KSR2: variants seen among roughly 807,000 people sequenced by gnomAD.
The protein encoded by KSR2 is kinase suppressor of ras 2.
Under a neutral mutation model 107.8 loss-of-function variants are expected in KSR2, and 25 were observed. The ratio of observed to expected loss-of-function variants is 0.23; its 90% CI spans 0.17 to 0.32. The LOEUF is 0.32. Among genes scored for constraint, KSR2 ranks in the 10% least tolerant of loss-of-function variants. The pLI is 1.00. For synonymous variants in KSR2, 480 were observed against 507.0 expected (o/e 0.95, Z 0.71); for missense variants, 887 against 1,268.9 (o/e 0.70, Z 4.57).
intron 4 of KSR2, among the ~76,000 whole-genome samples, chr12:117,745,017 T>A (rs918794638): frequency 6.6e-6 from 1 of 152,154 alleles, no homozygotes; most frequent in African/African-American, 2.4e-5. Flanking sequence ...CTAAGTGCTG[T>A]TATGAGCCTC....
chr12:117,708,055 T>C (rs1886599611), intron 4 of KSR2, among the ~76,000 whole-genome samples: 1 of 152,218 alleles, frequency 6.6e-6, no homozygotes, highest in Non-Finnish European at 1.5e-5. Flanking sequence ...AATTCTCCTA[T>C]TTGTGCACTG....
In KSR2 at chr12:117,619,314, A is replaced by C. The variant is rs566045422; in HGVS notation, c.1172-36955T>G. ...CCATGTTGGTGTGCTGCACCCAGTA[A>C]CTCATCATTTAACATTAGGTATATC... On this transcript the variant is annotated intron_variant, in intron 5 of 19. Coordinates refer to ENST00000339824, the MANE Select transcript of KSR2 (RefSeq NM_173598.6). Among the ~76,000 whole-genome samples the C allele has an allele frequency of 2.1e-4, 32 of 151,758 alleles. No individual in the cohort carries two copies. The South Asian group carries it at 6.7e-3, about 32-fold the overall frequency.
chr12:117,842,360 G>A lies in KSR2; in HGVS notation c.472+13068C>T, dbSNP rs1185891419. On this transcript the variant is annotated intron_variant, in intron 3 of 19. Transcript: ENST00000339824. This position sits in a 1 kb window ranked among gnomAD's most constrained non-coding sequence, Gnocchi z 4.2. Reference sequence around the variant, plus strand: ...AGGAAGATTGAGGCAGGGTATTCCAGGCAGAAAGAAGGGCTGTGCAAAGGC... The same window carrying A: ...AGGAAGATTGAGGCAGGGTATTCCAAGCAGAAAGAAGGGCTGTGCAAAGGC... 1.3e-5 allele frequency among the ~76,000 whole-genome samples: 2 copies of A among 152,224 alleles called. No individual in the cohort carries two copies. Among genetic ancestry groups the A allele is most frequent in the Non-Finnish European group, 2.9e-5 (2 of 68,040 alleles).
intron 5 of KSR2, among the ~76,000 whole-genome samples, chr12:117,593,385 G>T (rs1215838141): frequency 6.6e-6 from 1 of 152,228 alleles, no homozygotes. Context: ...CTTGATAGGT[G>T]CAGGGCAGGG....
At chr12:117,503,093 G>T (rs1486177036) in intron 14 of KSR2, among the ~76,000 whole-genome samples, 2 of 152,176 alleles carry the variant, frequency 1.3e-5, no homozygotes, top group Non-Finnish European at 2.9e-5. Flanking sequence ...AATGAGAGTG[G>T]AGAGGGGAGA....
intron 7 of KSR2, among the ~76,000 whole-genome samples, chr12:117,566,042 G>A (rs908734567): frequency 6.6e-6 from 1 of 151,858 alleles, no homozygotes; most frequent in South Asian, 2.1e-4. Context: ...ACGGGGATTT[G>A]TTGTACAGAT....
chr12:117,469,461 C>T (rs1871311715), intron 19 of KSR2, among the ~76,000 whole-genome samples: 1 of 152,080 alleles, frequency 6.6e-6, no homozygotes, highest in Non-Finnish European at 1.5e-5. Context: ...GACCCAAGAC[C>T]CACAGGACAG....
At chr12:117,794,172 GCA>G (rs1441134710) in intron 3 of KSR2, among the ~76,000 whole-genome samples, 1 of 36,254 alleles carries the variant, frequency 2.8e-5, no homozygotes, top group Non-Finnish European at 5.0e-5. Flanking sequence ...ACCAACATGC[GCA>G]CACACCAACA....
At chr12:117,647,495 G>A (rs920952420) in intron 5 of KSR2, among the ~76,000 whole-genome samples, 12 of 152,144 alleles carry the variant, frequency 7.9e-5, no homozygotes, top group Non-Finnish European at 1.0e-4. Flanking sequence ...GCACGTCCAC[G>A]CAAGGCCTTG....
chr12:117,926,406 A>G (rs763864369), intron 1 of KSR2, among the ~76,000 whole-genome samples: 13 of 152,246 alleles, frequency 8.5e-5, no homozygotes, highest in Non-Finnish European at 1.2e-4. Context: ...TGGATGCTCC[A>G]TAATTCCTAA....
At chr12:117,921,493 T>G (rs10850939) in intron 1 of KSR2, among the ~76,000 whole-genome samples, 63,688 of 151,848 alleles carry the variant, frequency 0.42, 14,561 homozygotes, top group East Asian at 0.74. Context: ...GGCCTCACGG[T>G]ATCCTCTTGC....
chr12:117,479,139 A>G (rs1871990406), intron 16 of KSR2, among the ~76,000 whole-genome samples: 3 of 152,196 alleles, frequency 2.0e-5, no homozygotes, highest in African/African-American at 7.2e-5. Flanking sequence ...GATCTCTTTC[A>G]TAACCCCTCC....
chr12:117,933,946 C>T (rs567114369), intron 1 of KSR2, among the ~76,000 whole-genome samples: 19 of 152,266 alleles, frequency 1.2e-4, no homozygotes, highest in Admixed American at 1.0e-3. Context: ...AGATGTGTGA[C>T]CACACTTGGC....
chr12:117,873,267 C>T (rs985200588), intron 1 of KSR2, among the ~76,000 whole-genome samples: 1 of 151,472 alleles, frequency 6.6e-6, no homozygotes, highest in African/African-American at 2.4e-5. Flanking sequence ...ATTGCTTGAA[C>T]CCGGGAGGCG....
intron 5 of KSR2, among the ~76,000 whole-genome samples, chr12:117,637,462 A>G (rs11068596): frequency 0.16 from 25,093 of 152,122 alleles, 2,158 homozygotes; most frequent in Middle Eastern, 0.24. Context: ...TGTCAATAGC[A>G]CTGAGGTTGA....
intron 1 of KSR2, among the ~76,000 whole-genome samples, chr12:117,954,693 G>A (rs894630249): frequency 6.6e-6 from 1 of 152,186 alleles, no homozygotes; most frequent in Non-Finnish European, 1.5e-5. Flanking sequence ...CAGTGGGGAT[G>A]ATCATCAAAA....
intron 5 of KSR2, among the ~76,000 whole-genome samples, chr12:117,654,881 C>T (rs1478173087): frequency 6.6e-6 from 1 of 152,178 alleles, no homozygotes; most frequent in African/African-American, 2.4e-5. Flanking sequence ...CCACCCCTGT[C>T]ATTGCCCAAT....
Position 117,822,015 on chromosome 12 carries a change from G to A in KSR2, c.472+33413C>T, listed in dbSNP as rs542101720. ...TAAAACAGGTTGCAGTAAAGAAGCC[G>A]GCTAAAACTCACCAAAACCAAGATA... On this transcript the variant is annotated intron_variant, in intron 3 of 19. Coordinates refer to ENST00000339824, the MANE Select transcript of KSR2 (RefSeq NM_173598.6). Among the ~76,000 whole-genome samples, 101 of 152,214 alleles carry A rather than the reference G, an allele frequency of 6.6e-4. No individual in the cohort carries two copies. The Middle Eastern group carries it at 0.01, about 15-fold the overall frequency.
chr12:117,679,215 TG>T (rs1197573128), intron 4 of KSR2, among the ~76,000 whole-genome samples: 1 of 152,148 alleles, frequency 6.6e-6, no homozygotes, highest in African/African-American at 2.4e-5. Context: ...AACTTTAGGT[TG>T]CTATCACCAG....
Sources: allele counts gnomAD v4.1 joint callset (sites outside exome capture counted in the v4.1 genomes callset), GRCh38; gene constraint gnomAD v4.1.1; non-coding constraint Gnocchi (gnomAD v3.1); transcripts MANE v1.5; gene names NCBI Gene and HGNC (gene_info 2026-07-23, HGNC 2026-07-21).